APBA1: variants seen among roughly 807,000 people sequenced by gnomAD.
The protein encoded by APBA1 is amyloid beta precursor protein binding family A member 1.
Under a neutral mutation model 86.6 loss-of-function variants are expected in APBA1, and 55 were observed. The observed-to-expected ratio is 0.64, with a 90% CI of 0.51 to 0.80. The LOEUF is 0.80. Among genes scored for constraint, APBA1 ranks in the 30% least tolerant of loss-of-function variants. APBA1 has a pLI of 0.00. For synonymous variants in APBA1, 511 were observed against 493.9 expected (o/e 1.03, Z -0.46); for missense variants, 1,090 against 1,183.0 (o/e 0.92, Z 1.15).
rs527326118 is a variant in APBA1, at chr9:69,452,049, G to A, written c.1968+73C>T. The A allele has an allele frequency of 1.0e-4, 142 of 1,420,112 alleles. No homozygotes were observed. In the African/African-American group the frequency reaches 1.3e-3, roughly 13 times the overall value. 88.0% of individuals were successfully genotyped at this position (1,420,112 alleles called of 1,614,324 possible). A position where few individuals can be genotyped will look rare whatever the true frequency, so the allele number is the denominator to read the frequency against. ...ACCATTGATCTCCCTTCACTTCCGC[G>A]GCAGGGTGCCCCACTTTCCAAGCCC... On this transcript the variant is annotated intron_variant, in intron 9 of 12. Transcript: ENST00000265381.
intron 2 of APBA1, among the ~76,000 whole-genome samples, chr9:69,499,385 T>A (rs1257143976): frequency 1.3e-5 from 2 of 152,046 alleles, no homozygotes; most frequent in East Asian, 3.9e-4. Flanking sequence ...TGATTTCAGA[T>A]CCCATTTCAA....
At position 69,431,345 on chromosome 9, in the gene APBA1, C is replaced by T. The variant is rs1834590131; in HGVS notation, c.2496G>A (p.Glu832=). 11 of 1,612,514 alleles carry T rather than the reference C, an allele frequency of 6.8e-6. No individual in the cohort carries two copies. The highest frequency in any genetic ancestry group is 2.2e-5 in the East Asian group (1 of 44,698). ...AAMYRLLTAQ[E]QPVYI ...GCCGCGGTCAGATGTAAACAGGCTG[C>T]TCCTGGGCCGTCAGCAGCCTGTACA... Residue 832 remains glutamate (E), a synonymous_variant, in exon 13 of 13, where the codon GAG becomes GAA. Transcript: ENST00000265381.
chr9:69,531,762 G>A (rs1836437058), intron 1 of APBA1, among the ~76,000 whole-genome samples: 1 of 152,178 alleles, frequency 6.6e-6, no homozygotes, highest in African/African-American at 2.4e-5. Flanking sequence ...CTCTCACTTG[G>A]AGGAGGAGTT....
chr9:69,551,748 G>A (rs374861124), intron 1 of APBA1, among the ~76,000 whole-genome samples: 31 of 152,290 alleles, frequency 2.0e-4, no homozygotes, highest in African/African-American at 6.0e-4. Flanking sequence ...AAGGCAAGGA[G>A]AAACAAGGCT....
chr9:69,455,946 T>C (rs1409585029), intron 8 of APBA1, among the ~76,000 whole-genome samples: 3 of 152,186 alleles, frequency 2.0e-5, no homozygotes, highest in African/African-American at 4.8e-5. Flanking sequence ...TTGATCACCC[T>C]ACCTGACATA....
chr9:69,672,578 T>A (rs1487900429), upstream of APBA1, among the ~76,000 whole-genome samples: 1 of 149,142 alleles, frequency 6.7e-6, no homozygotes, highest in Non-Finnish European at 1.5e-5. Flanking sequence ...GCGGCACCGC[T>A]GATGTCCTCC....
chr9:69,667,920 G>T (rs1412110351), intron 1 of APBA1, among the ~76,000 whole-genome samples: 1 of 151,936 alleles, frequency 6.6e-6, no homozygotes, highest in African/African-American at 2.4e-5. Flanking sequence ...CTTTGCCTTG[G>T]TTGCACCGTC....
At position 69,429,419 on chromosome 9, in the gene APBA1, G is replaced by A. The variant is rs549607732; in HGVS notation, c.*1908C>T. ...TCAAAGAAGTCCTGGGGAGCTTTAC[G>A]GACCATCCCAGAGCCCCTGGCCCCA... On this transcript the variant is annotated 3_prime_UTR_variant, in exon 13 of 13. Transcript: ENST00000265381. The A allele has an allele frequency of 1.3e-5, 2 of 152,258 alleles. No individual in the cohort carries two copies. Among genetic ancestry groups the A allele is most frequent in the East Asian group, 3.9e-4 (2 of 5,178 alleles). The allele number at this position is 152,258 out of a possible 1,614,324, so 9.4% of individuals were successfully genotyped here.
At chr9:69,515,484 C>G (rs921734016) in intron 2 of APBA1, among the ~76,000 whole-genome samples, 5 of 152,072 alleles carry the variant, frequency 3.3e-5, no homozygotes, top group African/African-American at 1.2e-4. Flanking sequence ...CCCCTTGTAC[C>G]TAACTCTAGA....
intron 1 of APBA1, 115 bp from the exon 2 acceptor site, chr9:69,517,394 T>TA (rs1384123515): frequency 5.5e-6 from 6 of 1,094,364 alleles, no homozygotes; most frequent in Non-Finnish European, 7.1e-6. Flanking sequence ...CTGGGTCAAT[T>TA]AAAAAAAGAC....
chr9:69,647,169 T>C (rs1361612292), intron 1 of APBA1, among the ~76,000 whole-genome samples: 1 of 152,226 alleles, frequency 6.6e-6, no homozygotes, highest in Non-Finnish European at 1.5e-5. Flanking sequence ...TGAGGTTTCA[T>C]TAGTGGCAAG....
Position 69,428,864 on chromosome 9 carries a change from C to A in APBA1, c.*2463G>T, listed in dbSNP as rs1834536713. On this transcript the variant is annotated 3_prime_UTR_variant, in exon 13 of 13. Coordinates refer to ENST00000265381, the MANE Select transcript of APBA1 (RefSeq NM_001163.4). ...AACTTCCACTCACTGGGTGTGAAGA[C>A]ACACCTGGATTAACACAAAAGAATG... 6.6e-6 allele frequency: 1 copy of A among 152,198 alleles called. No individual in the cohort carries two copies. The highest frequency in any genetic ancestry group is 1.5e-5 in the Non-Finnish European group (1 of 68,048). The allele number at this position is 152,198 out of a possible 1,614,324, so 9.4% of individuals were successfully genotyped here. A position where few individuals can be genotyped will look rare whatever the true frequency, so the allele number is the denominator to read the frequency against.
At chr9:69,567,818 C>G (rs1475296862) in intron 1 of APBA1, among the ~76,000 whole-genome samples, 4 of 152,158 alleles carry the variant, frequency 2.6e-5, no homozygotes, top group Admixed American at 2.6e-4. Flanking sequence ...CTCCCCTCCC[C>G]TCAGCACCCA....
At chr9:69,530,558 A>G (rs1836415202) in intron 1 of APBA1, among the ~76,000 whole-genome samples, 1 of 151,880 alleles carries the variant, frequency 6.6e-6, no homozygotes, top group Admixed American at 6.6e-5. Context: ...GATACCAGGG[A>G]CTCCAAAAGA....
At chr9:69,606,082 A>G (rs1370873045) in intron 1 of APBA1, among the ~76,000 whole-genome samples, 1 of 152,198 alleles carries the variant, frequency 6.6e-6, no homozygotes, top group African/African-American at 2.4e-5. Flanking sequence ...CCACTCTCAT[A>G]CTCACTAGAT....
chr9:69,625,217 C>T (rs1039703724), intron 1 of APBA1, among the ~76,000 whole-genome samples: 1 of 152,142 alleles, frequency 6.6e-6, no homozygotes, highest in African/African-American at 2.4e-5. Flanking sequence ...AATGTTTTCC[C>T]AGGACTGCTC....
rs138245804 is a variant in APBA1, at chr9:69,503,346, C to CG, written c.1200+12664dup. 7.9e-3 allele frequency among the ~76,000 whole-genome samples: 1,201 copies of CG among 152,174 alleles called. 22 individuals carry two copies. The highest frequency in any genetic ancestry group is 0.027 in the African/African-American group (1,138 of 41,530). Reference sequence around the variant, plus strand: ...CCCTGTCCCTCCCATGCCATGGTCCCGCTCTTCTAATCTTTTTCCCTGGAA... The same window carrying CG: ...CCCTGTCCCTCCCATGCCATGGTCCCGGCTCTTCTAATCTTTTTCCCTGGAA... On this transcript the variant is annotated intron_variant, in intron 2 of 12. Coordinates refer to ENST00000265381, the MANE Select transcript of APBA1 (RefSeq NM_001163.4).
chr9:69,627,071 C>T (rs1822948300), intron 1 of APBA1, among the ~76,000 whole-genome samples: 2 of 152,112 alleles, frequency 1.3e-5, no homozygotes, highest in African/African-American at 4.8e-5. Flanking sequence ...GAAACTAATG[C>T]ACTCTGTGGG....
chr9:69,471,073 G>A (rs1835359485), intron 4 of APBA1, among the ~76,000 whole-genome samples: 1 of 152,138 alleles, frequency 6.6e-6, no homozygotes, highest in African/African-American at 2.4e-5. Context: ...CCCTCTTGAT[G>A]CCTCAGTTGT....
Sources: allele counts gnomAD v4.1 joint callset (sites outside exome capture counted in the v4.1 genomes callset), GRCh38; gene constraint gnomAD v4.1.1; transcripts MANE v1.5; gene names NCBI Gene and HGNC (gene_info 2026-07-23, HGNC 2026-07-21).